The following SMYD3 variants were observed in gnomAD, a reference collection of about 807,000 sequenced individuals.
The protein encoded by SMYD3 is SET and MYND domain containing 3.
SMYD3 carries 36 observed loss-of-function variants against 57.7 expected under a neutral mutation model. The observed-to-expected ratio is 0.62, with a 90% CI of 0.48 to 0.82. The LOEUF (loss-of-function observed/expected upper bound fraction) is 0.82. Among genes scored for constraint, SMYD3 ranks in the 40% least tolerant of loss-of-function variants. The probability of loss-of-function intolerance (pLI) is 0.00; values close to 1 mark genes in which losing one functional copy is unlikely to be tolerated. For synonymous variants in SMYD3, 211 were observed against 195.0 expected, an observed-to-expected ratio of 1.08 and a Z score of -0.68; for missense variants, 515 against 538.8, an observed-to-expected ratio of 0.96 and a Z score of 0.44.
intron 5 of SMYD3, among the ~76,000 whole-genome samples, chr1:246,084,487 G>A (rs1050379308): frequency 1.3e-5 from 2 of 151,962 alleles, no homozygotes; most frequent in African/African-American, 4.8e-5. Flanking sequence ...AACTGCTAGG[G>A]TTACAGGCCA....
At chr1:246,056,579 C>T (rs2060155353) in intron 5 of SMYD3, among the ~76,000 whole-genome samples, 1 of 151,788 alleles carries the variant, frequency 6.6e-6, no homozygotes, top group Non-Finnish European at 1.5e-5. Flanking sequence ...TTTCACCAGA[C>T]CTACATACAT....
At chr1:245,890,355 A>G (rs2053312931) in intron 8 of SMYD3, among the ~76,000 whole-genome samples, 1 of 152,210 alleles carries the variant, frequency 6.6e-6, no homozygotes, top group Non-Finnish European at 1.5e-5. Flanking sequence ...AATAACTAGG[A>G]TATATATAAG....
chr1:246,107,892 G>T (rs1255255353), intron 5 of SMYD3, among the ~76,000 whole-genome samples: 1 of 152,172 alleles, frequency 6.6e-6, no homozygotes, highest in Non-Finnish European at 1.5e-5. Context: ...CAGAGCCACA[G>T]GTTCAAATAG....
At chr1:245,938,389 C>T (rs946948805) in intron 5 of SMYD3, among the ~76,000 whole-genome samples, 3 of 152,104 alleles carry the variant, frequency 2.0e-5, no homozygotes, top group Non-Finnish European at 4.4e-5. Flanking sequence ...GGATACAGCC[C>T]GATAACCTAG....
chr1:246,316,541 GTTTT>G lies in SMYD3; in HGVS notation c.531+10656_531+10659del, dbSNP rs112553747. 3.5e-4 allele frequency among the ~76,000 whole-genome samples: 38 copies of G among 107,324 alleles called. No individual in the cohort carries two copies. In the East Asian group the frequency reaches 0.011, roughly 32 times the overall value. The allele number at this position is 107,324 out of a possible 152,430, so 70.4% of individuals were successfully genotyped here. ...CGCCCAGCTAATTTTTGTTGTTTTG[GTTTT>G]TTTTTTTTTTTTTTTTGTAGAGACG... On this transcript the variant is annotated intron_variant, in intron 5 of 11. Coordinates refer to ENST00000490107, the MANE Select transcript of SMYD3 (RefSeq NM_001167740.2).
At chr1:246,094,867 T>A (rs763963438) in intron 5 of SMYD3, among the ~76,000 whole-genome samples, 2 of 152,156 alleles carry the variant, frequency 1.3e-5, no homozygotes, top group Non-Finnish European at 2.9e-5. Context: ...GCTGAGCGTA[T>A]CTCGGAGCCT....
chr1:246,248,386 T>C (rs1180576174), intron 5 of SMYD3, among the ~76,000 whole-genome samples: 1 of 152,168 alleles, frequency 6.6e-6, no homozygotes. Flanking sequence ...CCAGATCATC[T>C]CAAAATTGTT....
Position 245,911,360 on chromosome 1 carries a change from T to A in SMYD3, c.813+4170A>T, listed in dbSNP as rs79785674. On this transcript the variant is annotated intron_variant, in intron 8 of 11. Coordinates refer to ENST00000490107, the MANE Select transcript of SMYD3 (RefSeq NM_001167740.2). ...ACCATATAACCAAACAATCCAAACG[T>A]TGGATATAGATCCAAAAGAAAGGAA... Among the ~76,000 whole-genome samples, 336 of 151,944 alleles carry A rather than the reference T, an allele frequency of 2.2e-3. 7 individuals carry two copies. The East Asian group carries it at 0.055, about 25-fold the overall frequency.
In SMYD3 at chr1:246,303,668, T is replaced by A. The variant is rs142324663; in HGVS notation, c.531+23533A>T. ...ACTGTAGTAATTTATTATGCAGCAA[T>A]AGAAAAATGTGTACAGCGATAAAGT... On this transcript the variant is annotated intron_variant, in intron 5 of 11. Coordinates refer to ENST00000490107, the MANE Select transcript of SMYD3 (RefSeq NM_001167740.2). 6.6e-4 allele frequency among the ~76,000 whole-genome samples: 100 copies of A among 152,254 alleles called. 1 individual carries two copies. The East Asian group carries it at 0.019, about 28-fold the overall frequency.
chr1:246,086,441 A>C (rs2060722506), intron 5 of SMYD3, among the ~76,000 whole-genome samples: 1 of 151,744 alleles, frequency 6.6e-6, no homozygotes, highest in African/African-American at 2.4e-5. Context: ...CTGTGCTTGC[A>C]GGTGAGAAGA....
chr1:246,381,425 T>C (rs1056403516), intron 1 of SMYD3, among the ~76,000 whole-genome samples: 2 of 152,238 alleles, frequency 1.3e-5, no homozygotes, highest in African/African-American at 4.8e-5. Flanking sequence ...TTAAAGACAC[T>C]ACCTGGTGAG....
At position 246,248,631 on chromosome 1, in the gene SMYD3, C is replaced by CTTGTTT. The variant is rs1309872022; in HGVS notation, c.531+78569_531+78570insAAACAA. Among the ~76,000 whole-genome samples the CTTGTTT allele has an allele frequency of 6.7e-3, 804 of 119,206 alleles. 65 individuals carry two copies. The highest frequency in any genetic ancestry group is 0.019 in the African/African-American group (550 of 29,266). 78.2% of individuals were successfully genotyped at this position (119,206 alleles called of 152,430 possible). On this transcript the variant is annotated intron_variant, in intron 5 of 11. Transcript: ENST00000490107. Reference sequence around the variant, plus strand: ...GGCCAGTTATGCAAAAGCTCTCTGACTTTCCTTTTTTTTTTTTTTTTTTTT... The same window carrying CTTGTTT: ...GGCCAGTTATGCAAAAGCTCTCTGACTTGTTTTTTCCTTTTTTTTTTTTTTTTTTTT...
At chr1:246,432,724 C>T (rs1450029494) in intron 1 of SMYD3, among the ~76,000 whole-genome samples, 2 of 152,156 alleles carry the variant, frequency 1.3e-5, no homozygotes, top group Non-Finnish European at 2.9e-5. Context: ...CTAAAGGCAG[C>T]CTTCTATTTT....
chr1:246,444,367 A>G (rs562789045), intron 1 of SMYD3, among the ~76,000 whole-genome samples: 10 of 151,766 alleles, frequency 6.6e-5, no homozygotes, highest in Non-Finnish European at 1.2e-4. Context: ...CTTGTGATCC[A>G]CCCGCCTCGG....
intron 1 of SMYD3, among the ~76,000 whole-genome samples, chr1:246,405,704 C>G (rs545467820): frequency 1.1e-4 from 17 of 151,886 alleles, no homozygotes; most frequent in Non-Finnish European, 1.8e-4. Flanking sequence ...GTCAGGAGAT[C>G]GAGACCATCC....
chr1:245,853,715 A>G (rs914236623), intron 10 of SMYD3, among the ~76,000 whole-genome samples: 2 of 59,608 alleles, frequency 3.4e-5, no homozygotes, highest in Non-Finnish European at 1.2e-4. Flanking sequence ...AACCTTCTCA[A>G]AAAAAGGAGA....
rs1452966499 is a variant in SMYD3 at position 246,357,423 on chromosome 1, G to A, written c.165-2329C>T. Among the ~76,000 whole-genome samples, 35 of 152,174 alleles carry A rather than the reference G, an allele frequency of 2.3e-4. 1 individual carries two copies. Among genetic ancestry groups the A allele is most frequent in the Admixed American group, 2.2e-3 (34 of 15,276 alleles). ...AAGTTACCCTATATGGTCAAAAAAG[G>A]GGAGGCATGGATAATTCACCCCTTG... On this transcript the variant is annotated intron_variant, in intron 1 of 11. Coordinates refer to ENST00000490107, the MANE Select transcript of SMYD3 (RefSeq NM_001167740.2).
chr1:245,901,101 A>G (rs866554709), intron 8 of SMYD3, among the ~76,000 whole-genome samples: 1 of 152,330 alleles, frequency 6.6e-6, no homozygotes, highest in Middle Eastern at 3.4e-3. Flanking sequence ...AGTGAGAGCA[A>G]CTACCTCTCT....
At chr1:245,823,920 G>A (rs575045663) in intron 10 of SMYD3, among the ~76,000 whole-genome samples, 1 of 152,336 alleles carries the variant, frequency 6.6e-6, no homozygotes, top group African/African-American at 2.4e-5. Context: ...CTGCACCAGG[G>A]AGACCCACGT....
Sources: gnomAD v4.1 joint callset for allele counts (sites outside exome capture counted in the v4.1 genomes callset) on GRCh38, gnomAD v4.1.1 for gene constraint, MANE v1.5 for transcripts, NCBI Gene and HGNC (gene_info 2026-07-23, HGNC 2026-07-21) for gene names.